Variants in ADGRL2 observed in about 807,000 individuals in gnomAD.
ADGRL2 encodes calcium-independent alpha-latrotoxin receptor 2.
A neutral mutation model predicts 157.4 loss-of-function variants in ADGRL2; 44 were observed. That is an observed-to-expected ratio of 0.28 (90% CI 0.22 to 0.36). The LOEUF is 0.36. Ranked by LOEUF, ADGRL2 falls within the 10% of genes least tolerant of loss-of-function variation. The pLI, the probability that ADGRL2 is intolerant of heterozygous loss-of-function variation, is 1.00. For synonymous variants in ADGRL2, 585 were observed against 624.7 expected, an observed-to-expected ratio of 0.94 and a Z score of 0.95; for missense variants, 1,510 against 1,768.9, an observed-to-expected ratio of 0.85 and a Z score of 2.63.
upstream of ADGRL2, among the ~76,000 whole-genome samples, chr1:81,698,487 T>C (rs1303129919): frequency 6.6e-6 from 1 of 152,192 alleles, no homozygotes; most frequent in African/African-American, 2.4e-5. Context: ...ATGTCAATCT[T>C]GTGCCAGATG....
chr1:81,508,909 A>G (rs182069237), intron 2 of ADGRL2, among the ~76,000 whole-genome samples: 2 of 152,346 alleles, frequency 1.3e-5, no homozygotes, highest in African/African-American at 4.8e-5. Context: ...CTAACCTCAG[A>G]AAGTCCCCAG....
intron 2 of ADGRL2, among the ~76,000 whole-genome samples, chr1:81,786,587 A>T (rs2087058382): frequency 6.6e-6 from 1 of 152,222 alleles, no homozygotes; most frequent in Non-Finnish European, 1.5e-5. Flanking sequence ...ATAAATGTAA[A>T]TAAATAAATA....
chr1:81,464,476 A>G (rs2078008755), intron 2 of ADGRL2, among the ~76,000 whole-genome samples: 2 of 151,808 alleles, frequency 1.3e-5, no homozygotes, highest in Admixed American at 6.6e-5. Context: ...AATAATTAAA[A>G]CTCTGTTATT....
intron 1 of ADGRL2, among the ~76,000 whole-genome samples, chr1:81,428,536 A>AGGGTTTC (rs2077261066): frequency 1.3e-5 from 2 of 152,194 alleles, no homozygotes; most frequent in Non-Finnish European, 2.9e-5. Flanking sequence ...ATGAAACTCA[A>AGGGTTTC]ACAAGGGTCA....
intron 2 of ADGRL2, among the ~76,000 whole-genome samples, chr1:81,858,280 A>T (rs1029666807): frequency 1.3e-5 from 2 of 152,188 alleles, no homozygotes; most frequent in African/African-American, 4.8e-5. Context: ...CAGATCCAAT[A>T]ACACATAGGA....
chr1:81,610,051 C>A (rs1247885023), intron 3 of ADGRL2, among the ~76,000 whole-genome samples: 1 of 152,184 alleles, frequency 6.6e-6, no homozygotes, highest in Admixed American at 6.5e-5. Flanking sequence ...TGTCAGCTAA[C>A]AGCCTCCCAC....
intron 3 of ADGRL2, among the ~76,000 whole-genome samples, chr1:81,647,466 T>A (rs1212713200): frequency 2.6e-5 from 4 of 152,104 alleles, no homozygotes; most frequent in African/African-American, 4.8e-5. Flanking sequence ...CATGTCACGG[T>A]CAAAACGTAG....
rs569939288 is a variant in ADGRL2, at chr1:81,759,459, T to C, written c.-142-2352T>C. Among the ~76,000 whole-genome samples the C allele has an allele frequency of 3.3e-5, 5 of 152,302 alleles. No homozygotes were observed. In the South Asian group the frequency reaches 8.3e-4, roughly 25 times the overall value. On this transcript the variant is annotated intron_variant, in intron 1 of 20. Transcript: ENST00000359929. ...AAAATTTTTACTATACAGTATCAAATTAAAATTTAGTTACTACTTGCAAAA... is the reference window on the plus strand; with the variant it reads ...AAAATTTTTACTATACAGTATCAAACTAAAATTTAGTTACTACTTGCAAAA...
chr1:81,657,655 T>C (rs1486946804), intron 3 of ADGRL2, among the ~76,000 whole-genome samples: 2 of 152,156 alleles, frequency 1.3e-5, no homozygotes, highest in Admixed American at 1.3e-4. Flanking sequence ...GTGTAGTTTT[T>C]AGAAGTATTA....
intron 2 of ADGRL2, among the ~76,000 whole-genome samples, chr1:81,854,250 C>T (rs771533868): frequency 6.6e-6 from 1 of 152,144 alleles, no homozygotes; most frequent in Non-Finnish European, 1.5e-5. Context: ...GGGATACTGC[C>T]GAACCACTGG....
chr1:81,877,156 G>A (rs977140542), intron 2 of ADGRL2, among the ~76,000 whole-genome samples: 1 of 152,092 alleles, frequency 6.6e-6, no homozygotes, highest in South Asian at 2.1e-4. Context: ...GCATAAAATA[G>A]TATATATTTC....
intron 3 of ADGRL2, among the ~76,000 whole-genome samples, chr1:81,645,368 G>A (rs1393313341): frequency 1.5e-5 from 2 of 134,516 alleles, no homozygotes; most frequent in Non-Finnish European, 3.1e-5. Context: ...TTCCATTCCA[G>A]CCTGGGTGAC....
rs142941650 is a variant in ADGRL2 at position 81,506,649 on chromosome 1, G to T, written c.-248+61560G>T. Among the ~76,000 whole-genome samples the T allele has an allele frequency of 9.9e-3, 1,508 of 152,176 alleles. 14 individuals carry two copies. The highest frequency in any genetic ancestry group is 0.023 in the African/African-American group (954 of 41,512). The stretch of plus-strand genomic sequence containing the variant: ...CACCTAAGGCCAGGAGGTTGAGGCT[G>T]CAGTGAGATGTGATGGCACCACTGC... On this transcript the variant is annotated intron_variant, in intron 2 of 24. Coordinates refer to the ADGRL2 transcript ENST00000370721.
At chr1:81,915,196 C>G (rs2094827008) in intron 3 of ADGRL2, among the ~76,000 whole-genome samples, 1 of 152,086 alleles carries the variant, frequency 6.6e-6, no homozygotes, top group South Asian at 2.1e-4. Context: ...CCACCTCAGT[C>G]TCCCGAGTAG....
intron 3 of ADGRL2, among the ~76,000 whole-genome samples, chr1:81,657,123 T>G (rs1253991816): frequency 1.3e-5 from 2 of 151,952 alleles, no homozygotes; most frequent in Non-Finnish European, 2.9e-5. Context: ...CATAGCATGG[T>G]GCTATGGTCT....
rs752223131 is a variant in ADGRL2 at position 81,969,218 on chromosome 1, C to A, written c.2564C>A (p.Thr855Asn). 1.9e-6 allele frequency: 3 copies of A among 1,613,920 alleles called. No individual in the cohort carries two copies. The highest frequency in any genetic ancestry group is 1.7e-6 in the Non-Finnish European group (2 of 1,179,876). The change falls in exon 15 of 24, where the codon ACC becomes AAC. Residue 855 changes from threonine (T) to asparagine (N), a missense_variant. By Grantham distance (65) the Thr-to-Asn change is moderately conservative. Around this residue, in one of 4 missense-constraint regions of ADGRL2, gnomAD observed 497 missense variants for 627.2 expected, o/e 0.79. Transcript: ENST00000686636. ...GVHELLLTVI[T>N]WVGIVISLVC... ...CATGAATTACTTCTTACAGTCATCA[C>A]CTGGGTGGGAATTGTCATTTCCCTT...
chr1:81,668,723 C>T (rs543243411), intron 3 of ADGRL2, among the ~76,000 whole-genome samples: 148 of 136,844 alleles, frequency 1.1e-3, no homozygotes, highest in African/African-American at 4.1e-3. Flanking sequence ...CCACCAGGCC[C>T]GGCTAATTTT....
chr1:81,444,132 A>G (rs1483378681), intron 1 of ADGRL2, among the ~76,000 whole-genome samples: 1 of 152,186 alleles, frequency 6.6e-6, no homozygotes, highest in African/African-American at 2.4e-5. Flanking sequence ...ATCCCTTTTT[A>G]CCAATGGCAG....
intron 2 of ADGRL2, among the ~76,000 whole-genome samples, chr1:81,905,099 CTTTTT>C (rs199618498): frequency 7.0e-6 from 1 of 142,894 alleles, no homozygotes; most frequent in South Asian, 2.2e-4. Flanking sequence ...CCTTACTATA[CTTTTT>C]TTTTTTTTTG....
Sources: gnomAD v4.1 joint callset for allele counts (sites outside exome capture counted in the v4.1 genomes callset) on GRCh38, gnomAD v4.1.1 for gene constraint, gnomAD v4.1.1 regional missense constraint, MANE v1.5 for transcripts, NCBI Gene and HGNC (gene_info 2026-07-23, HGNC 2026-07-21) for gene names.